CPA6: variants seen among roughly 807,000 people sequenced by gnomAD.
CPA6 encodes carboxypeptidase A6, also known as carboxypeptidase B.
In CPA6, 58 loss-of-function variants were observed where a neutral mutation model predicts 63.3. The observed-to-expected ratio is 0.92, with a 90% CI of 0.74 to 1.14. CPA6 has a LOEUF of 1.14. CPA6 is among the 50% of genes most tolerant of loss of function. The pLI is 0.00. For synonymous variants in CPA6, 185 were observed against 179.0 expected, an observed-to-expected ratio of 1.03 and a Z score of -0.27; for missense variants, 565 against 526.6, an observed-to-expected ratio of 1.07 and a Z score of -0.71.
rs527389427 is a variant in CPA6 at position 67,602,746 on chromosome 8, G to A, written c.192+21430C>T. ...ATGAGGTCAGGTTAGCGCCTCGACCGGATGTCAGGAAATTATAGCTTCATT... is the reference window on the plus strand; with the variant it reads ...ATGAGGTCAGGTTAGCGCCTCGACCAGATGTCAGGAAATTATAGCTTCATT... On this transcript the variant is annotated intron_variant, in intron 2 of 10. Transcript: ENST00000297770. Among the ~76,000 whole-genome samples the A allele has an allele frequency of 6.6e-5, 10 of 152,266 alleles. 1 individual carries two copies. Among genetic ancestry groups the A allele is most frequent in the Admixed American group, 4.6e-4 (7 of 15,296 alleles).
chr8:67,617,980 T>C (rs1471375404), intron 2 of CPA6, among the ~76,000 whole-genome samples: 1 of 152,220 alleles, frequency 6.6e-6, no homozygotes, highest in Non-Finnish European at 1.5e-5. Context: ...CTTCTGCAAC[T>C]AGCTGGAGGA....
At chr8:67,742,960 A>G (rs764105929) in intron 1 of CPA6, among the ~76,000 whole-genome samples, 3 of 152,216 alleles carry the variant, frequency 2.0e-5, no homozygotes, top group Non-Finnish European at 4.4e-5. Context: ...TGTGACGCAG[A>G]AGATTTTTTT....
intron 1 of CPA6, among the ~76,000 whole-genome samples, chr8:67,637,472 C>T (rs959896380): frequency 6.6e-6 from 1 of 151,610 alleles, no homozygotes; most frequent in African/African-American, 2.4e-5. Flanking sequence ...TTGTATCACA[C>T]TTCGATTTAG....
Position 67,483,382 on chromosome 8 carries a change from C to T in CPA6, c.838+386G>A, listed in dbSNP as rs144052248. 6.2e-3 allele frequency: 1,673 copies of T among 270,040 alleles called. 22 individuals are homozygous for T. The highest frequency in any genetic ancestry group is 0.023 in the South Asian group (558 of 23,804). 16.7% of individuals were successfully genotyped at this position (270,040 alleles called of 1,614,324 possible). On this transcript the variant is annotated intron_variant, in intron 8 of 10. Coordinates refer to ENST00000297770, the MANE Select transcript of CPA6 (RefSeq NM_020361.5). ...GACAAGGTCATGACAGCTCTGACCACGACAGACAGCCGAATGCAGCATCAG... is the reference window on the plus strand; with the variant it reads ...GACAAGGTCATGACAGCTCTGACCATGACAGACAGCCGAATGCAGCATCAG...
chr8:67,466,940 C>A (rs1176045195), intron 8 of CPA6, among the ~76,000 whole-genome samples: 2 of 152,034 alleles, frequency 1.3e-5, no homozygotes, highest in South Asian at 4.1e-4. Flanking sequence ...AGAATTAAAA[C>A]CAGTGAAAAA....
At chr8:67,573,330 T>C (rs901424599) in intron 2 of CPA6, among the ~76,000 whole-genome samples, 1 of 152,210 alleles carries the variant, frequency 6.6e-6, no homozygotes, top group Non-Finnish European at 1.5e-5. Context: ...AGAAGTTAAA[T>C]TGTCACTGTT....
chr8:67,606,724 GCTCT>G (rs1257462660), intron 2 of CPA6, among the ~76,000 whole-genome samples: 2 of 152,176 alleles, frequency 1.3e-5, no homozygotes, highest in Non-Finnish European at 2.9e-5. Context: ...CCCAGCATCT[GCTCT>G]CTGATATCTC....
At chr8:67,724,062 A>T (rs1362672738) in intron 1 of CPA6, among the ~76,000 whole-genome samples, 1 of 152,208 alleles carries the variant, frequency 6.6e-6, no homozygotes, top group African/African-American at 2.4e-5. Flanking sequence ...GCTGATAAGA[A>T]AATGCAAAAT....
At chr8:67,593,027 T>C (rs1384331460) in intron 2 of CPA6, among the ~76,000 whole-genome samples, 1 of 150,616 alleles carries the variant, frequency 6.6e-6, no homozygotes, top group African/African-American at 2.5e-5. Context: ...CATTTAGTGC[T>C]ATAAATTTCC....
At chr8:67,583,971 C>T (rs1019204867) in intron 2 of CPA6, among the ~76,000 whole-genome samples, 1 of 151,988 alleles carries the variant, frequency 6.6e-6, no homozygotes, top group African/African-American at 2.4e-5. Flanking sequence ...TCCTGGCCAA[C>T]ATGGTGAATC....
chr8:67,509,359 T>A (rs530120372), intron 5 of CPA6, among the ~76,000 whole-genome samples, 158 bp downstream of exon 5: 4 of 152,316 alleles, frequency 2.6e-5, no homozygotes, highest in Non-Finnish European at 5.9e-5. Flanking sequence ...TGAAATATGG[T>A]TCAGAAACCT....
chr8:67,453,999 G>A (rs1810615809), intron 8 of CPA6, among the ~76,000 whole-genome samples: 1 of 152,198 alleles, frequency 6.6e-6, no homozygotes, highest in African/African-American at 2.4e-5. Flanking sequence ...TTGATTTTAT[G>A]GATTGGCATC....
chr8:67,468,635 T>G (rs992232491), intron 8 of CPA6, among the ~76,000 whole-genome samples: 3 of 146,362 alleles, frequency 2.0e-5, no homozygotes, highest in Admixed American at 6.7e-5. Context: ...ATAATAATAA[T>G]AAGAAAAAGA....
At chr8:67,744,442 A>G (rs1314176851) in intron 1 of CPA6, among the ~76,000 whole-genome samples, 1 of 152,196 alleles carries the variant, frequency 6.6e-6, no homozygotes, top group Non-Finnish European at 1.5e-5. Context: ...CACTGGCCTC[A>G]TTTCCTCTTC....
rs771448408 is a variant in CPA6 at position 67,690,330 on chromosome 8, GAAAT to G, written c.116+55680_116+55683del. Among the ~76,000 whole-genome samples, 97 of 152,262 alleles carry G rather than the reference GAAAT, an allele frequency of 6.4e-4. No individual in the cohort carries two copies. In the Middle Eastern group the frequency reaches 0.01, roughly 16 times the overall value. Reference sequence around the variant, plus strand: ...TATTTTTAAGATGTCGATGGCAACAGAAATAAATAATTTAGAGTTAATGAATATT... The same window carrying G: ...TATTTTTAAGATGTCGATGGCAACAGAAATAATTTAGAGTTAATGAATATT... On this transcript the variant is annotated intron_variant, in intron 1 of 10. Coordinates refer to ENST00000297770, the MANE Select transcript of CPA6 (RefSeq NM_020361.5).
At chr8:67,675,095 G>A (rs527471858) in intron 1 of CPA6, among the ~76,000 whole-genome samples, 3 of 152,212 alleles carry the variant, frequency 2.0e-5, no homozygotes, top group South Asian at 2.1e-4. Flanking sequence ...CTGGGTGATA[G>A]GATCCATACC....
chr8:67,570,314 A>G (rs1346296671), intron 2 of CPA6, among the ~76,000 whole-genome samples: 1 of 152,236 alleles, frequency 6.6e-6, no homozygotes, highest in Non-Finnish European at 1.5e-5. Context: ...AGGAATTGCT[A>G]AAGGGAGTTC....
intron 1 of CPA6, among the ~76,000 whole-genome samples, chr8:67,732,219 C>T (rs1235788557): frequency 2.0e-5 from 3 of 152,192 alleles, no homozygotes; most frequent in Non-Finnish European, 2.9e-5. Context: ...CGCCCTTAAG[C>T]ACATACAGGT....
chr8:67,722,685 T>C (rs373688382), intron 1 of CPA6, among the ~76,000 whole-genome samples: 9 of 152,270 alleles, frequency 5.9e-5, no homozygotes, highest in Non-Finnish European at 1.0e-4. Context: ...TGCCCTATGA[T>C]ACCCTTATTT....
Sources: allele counts gnomAD v4.1 joint callset (sites outside exome capture counted in the v4.1 genomes callset), GRCh38; gene constraint gnomAD v4.1.1; transcripts MANE v1.5; gene names NCBI Gene and HGNC (gene_info 2026-07-23, HGNC 2026-07-21).